ADH7: variants seen among roughly 807,000 people sequenced by gnomAD.
ADH7 encodes all-trans-retinol dehydrogenase [NAD(+)] ADH7.
A neutral mutation model predicts 34.4 loss-of-function variants in ADH7; 41 were observed. That is an observed-to-expected ratio of 1.19 (90% CI 0.93 to 1.55). ADH7 has a LOEUF of 1.55. Among genes scored for constraint, ADH7 ranks in the 40% most tolerant of loss-of-function variants. ADH7 has a pLI of 0.00. For missense variants in ADH7, 540 were observed against 461.2 expected, an observed-to-expected ratio of 1.17 and a Z score of -1.56; for synonymous variants, 180 against 160.9, an observed-to-expected ratio of 1.12 and a Z score of -0.90.
rs746177644 is a variant in ADH7 at position 99,420,804 on chromosome 4, G to A, written c.565-11C>T. The A allele has an allele frequency of 1.1e-5, 18 of 1,612,984 alleles. No individual in the cohort carries two copies. Among genetic ancestry groups the A allele is most frequent in the Non-Finnish European group, 1.4e-5 (17 of 1,179,480 alleles). On this transcript the variant is annotated splice_polypyrimidine_tract_variant and intron_variant, in intron 5 of 8. Coordinates refer to ENST00000437033, the MANE Select transcript of ADH7 (RefSeq NM_000673.7). ...GGAACCAGGTTTGACCTGTGGAGAG[G>A]AATGTTCTTGAACATGTTAGGTGTT...
intron 8 of ADH7, among the ~76,000 whole-genome samples, chr4:99,414,546 A>G (rs548753667): frequency 5.9e-5 from 9 of 152,270 alleles, no homozygotes; most frequent in African/African-American, 2.2e-4. Context: ...ATCCTTGCCC[A>G]ACCCTCAGAA....
chr4:99,418,909 G>A, intron 7 of ADH7, 77 bp downstream of exon 7: 3 of 1,536,784 alleles, frequency 2.0e-6, no homozygotes, highest in Non-Finnish European at 1.8e-6. Context: ...AAAGGCCTGA[G>A]GAAACAGGCT....
chr4:99,418,014 C>T (rs78904625), intron 7 of ADH7, among the ~76,000 whole-genome samples: 32 of 152,250 alleles, frequency 2.1e-4, no homozygotes, highest in African/African-American at 7.7e-4. Flanking sequence ...AATCTCAGTT[C>T]TCAACTTGAG....
chr4:99,413,374 T>C (rs1721451453), intron 8 of ADH7, among the ~76,000 whole-genome samples: 3 of 152,184 alleles, frequency 2.0e-5, no homozygotes, highest in African/African-American at 7.2e-5. Context: ...TCTGAAAGCA[T>C]CAGTATAATT....
chr4:99,428,768 A>G lies in ADH7; in HGVS notation c.121-138T>C, dbSNP rs555039862. On this transcript the variant is annotated intron_variant, in intron 2 of 8. Transcript: ENST00000437033. ...ATATAACAACATTTACTCTTAGACT[A>G]TTCTGAGCCAAAAATCAACCATCAG... The G allele has an allele frequency of 5.4e-6, 6 of 1,116,886 alleles. No homozygotes were observed. In the East Asian group the frequency reaches 1.5e-4, roughly 28 times the overall value. The allele number at this position is 1,116,886 out of a possible 1,614,324, so 69.2% of individuals were successfully genotyped here. A position where few individuals can be genotyped will look rare whatever the true frequency, so the allele number is the denominator to read the frequency against.
intron 1 of ADH7, among the ~76,000 whole-genome samples, chr4:99,434,191 T>A (rs776346004): frequency 2.6e-5 from 4 of 152,174 alleles, no homozygotes; most frequent in Non-Finnish European, 5.9e-5. Context: ...ACCTGAAGCA[T>A]CTGTTGGGTG....
chr4:99,417,721 A>G (rs921591646), intron 7 of ADH7, among the ~76,000 whole-genome samples: 3 of 152,184 alleles, frequency 2.0e-5, no homozygotes, highest in Non-Finnish European at 4.4e-5. Context: ...CTATGTACAC[A>G]ATGGTACCTG....
intron 7 of ADH7, 110 bp from the exon 8 acceptor site, chr4:99,415,726 A>T: frequency 8.5e-7 from 1 of 1,170,174 alleles, no homozygotes; most frequent in Non-Finnish European, 1.2e-6. Context: ...CCTGTGTTAG[A>T]TCATTCCCAG....
chr4:99,415,373 T>C, intron 8 of ADH7, 105 bp downstream of exon 8: 1 of 1,224,642 alleles, frequency 8.2e-7, no homozygotes, highest in Non-Finnish European at 1.2e-6. Flanking sequence ...CTGGCTAGAT[T>C]AAATAATTAG....
chr4:99,417,028 G>A (rs1283848813), intron 7 of ADH7, among the ~76,000 whole-genome samples: 2 of 152,084 alleles, frequency 1.3e-5, no homozygotes, highest in African/African-American at 4.8e-5. Context: ...GTATCCAAGA[G>A]CTGACTACTT....
chr4:99,413,418 G>T (rs1721452048), intron 8 of ADH7, among the ~76,000 whole-genome samples: 2 of 152,170 alleles, frequency 1.3e-5, no homozygotes, highest in Admixed American at 6.5e-5. Context: ...TGGTTTCCAG[G>T]TTGAGGAGAA....
chr4:99,412,877 TC>T lies in ADH7; in HGVS notation c.*270del. On this transcript the variant is annotated 3_prime_UTR_variant, in exon 9 of 9. Coordinates refer to ENST00000437033, the MANE Select transcript of ADH7 (RefSeq NM_000673.7). ...AAAAATCTCCATTTCAACATAGAAA[TC>T]CAAGTGTATGTTTTCTTAAAAGATA... The T allele has an allele frequency of 2.8e-6, 1 of 352,868 alleles. No individual in the cohort carries two copies. Among genetic ancestry groups the T allele is most frequent in the East Asian group, 4.8e-5 (1 of 20,676 alleles). 21.9% of individuals were successfully genotyped at this position (352,868 alleles called of 1,614,324 possible).
chr4:99,416,120 C>A (rs941884813), intron 7 of ADH7, among the ~76,000 whole-genome samples: 7 of 151,900 alleles, frequency 4.6e-5, no homozygotes, highest in Non-Finnish European at 1.0e-4. Context: ...GCACATGTAT[C>A]CCAGAACTTA....
In ADH7 at chr4:99,428,136, C is replaced by A. The variant is rs769616843; in HGVS notation, c.298G>T (p.Glu100Ter). The change falls in exon 4 of 9, where the codon GAA becomes TAA. Residue 100 changes from glutamate to a stop codon, truncating the protein, a stop_gained. Coordinates refer to ENST00000437033, the MANE Select transcript of ADH7 (RefSeq NM_000673.7). LOFTEE classifies it high-confidence loss of function. Reference protein sequence around the residue: ...VIPLFLPQCRECNACRNPDGN... With the variant: ...VIPLFLPQCR ...TCTGGGTTGCGACAAGCATTGCATT[C>A]TCTACATTGTGGCAGAAAGAGAGGG... 6.2e-7 allele frequency: 1 copy of A among 1,613,894 alleles called. No homozygotes were observed. The highest frequency in any genetic ancestry group is 1.7e-5 in the Admixed American group (1 of 59,960).
intron 8 of ADH7, among the ~76,000 whole-genome samples, chr4:99,414,425 C>T (rs1721473277): frequency 6.6e-6 from 1 of 152,028 alleles, no homozygotes; most frequent in African/African-American, 2.4e-5. Flanking sequence ...ATTTATAGGC[C>T]CAATGAGTGA....
At position 99,419,075 on chromosome 4, in the gene ADH7, A is replaced by G; in HGVS notation, c.872T>C (p.Val291Ala). ...SCHMNYGTSVVVGVPPSAKML... is the reference protein window; with the variant it reads ...SCHMNYGTSVAVGVPPSAKML... The stretch of plus-strand genomic sequence containing the variant: ...CTTGGCTGATGGAGGAACTCCTACA[A>G]CCACGCTGGTCCCATAGTTCATGTG... The change falls in exon 7 of 9, where the codon GTT becomes GCT. Residue 291 changes from valine (V) to alanine (A), a missense_variant. Transcript: ENST00000437033. The G allele has an allele frequency of 6.2e-7, 1 of 1,613,834 alleles. No individual in the cohort carries two copies. The highest frequency in any genetic ancestry group is 8.5e-7 in the Non-Finnish European group (1 of 1,179,858).
At chr4:99,434,637 T>C (rs1031520524) in intron 1 of ADH7, among the ~76,000 whole-genome samples, 1 of 152,228 alleles carries the variant, frequency 6.6e-6, no homozygotes, top group African/African-American at 2.4e-5. Context: ...CTGTTGTTTT[T>C]AGAACGATAA....
chr4:99,427,733 G>A, intron 5 of ADH7, 40 bp downstream of exon 5: 1 of 1,318,830 alleles, frequency 7.6e-7, no homozygotes, highest in Non-Finnish European at 1.0e-6. Context: ...TTTAAGAAAA[G>A]GAAAGAAGAA....
chr4:99,434,876 G>A (rs1002797386), intron 1 of ADH7: 1 of 658,454 alleles, frequency 1.5e-6, no homozygotes, highest in African/African-American at 1.8e-5. Context: ...ATGCTACTGA[G>A]ACGATTGAAG....
Sources: gnomAD v4.1 joint callset for allele counts (sites outside exome capture counted in the v4.1 genomes callset) on GRCh38, gnomAD v4.1.1 for gene constraint, MANE v1.5 for transcripts, NCBI Gene and HGNC (gene_info 2026-07-23, HGNC 2026-07-21) for gene names.